C16orf96: variants seen among roughly 807,000 people sequenced by gnomAD.
C16orf96 encodes chromosome 16 open reading frame 96.
A neutral mutation model predicts 103.6 loss-of-function variants in C16orf96; 108 were observed. That is an observed-to-expected ratio of 1.04 (90% confidence interval 0.89 to 1.22). The LOEUF (loss-of-function observed/expected upper bound fraction) is 1.22, where lower values mean the gene tolerates loss of function less well. C16orf96 is among the 50% of genes most tolerant of loss of function. The pLI, the probability that C16orf96 is intolerant of heterozygous loss-of-function variation, is 0.00. For missense variants in C16orf96, 1,586 were observed against 1,464.2 expected (o/e 1.08, Z -1.36); for synonymous variants, 566 against 593.5 (o/e 0.95, Z 0.67).
chr16:4,551,491 G>A (rs1048313565), upstream of C16orf96, among the ~76,000 whole-genome samples: 44 of 151,988 alleles, frequency 2.9e-4, no homozygotes, highest in Admixed American at 3.3e-4. Flanking sequence ...TTGCTCTGTC[G>A]CCCAGGCTGG....
intron 1 of C16orf96, chr16:4,560,530 A>T (rs1299066198): frequency 6.6e-6 from 1 of 151,976 alleles, no homozygotes; most frequent in Admixed American, 6.6e-5. Context: ...CTTTAATATT[A>T]TGGGTATTTT....
At chr16:4,583,760 T>G (rs1385621808) in intron 7 of C16orf96, among the ~76,000 whole-genome samples, 1 of 150,616 alleles carries the variant, frequency 6.6e-6, no homozygotes, top group African/African-American at 2.4e-5. Context: ...GTGTCTCTAC[T>G]AAAAATACAA....
At chr16:4,561,592 C>G (rs564559023) in intron 1 of C16orf96, 1 of 152,384 alleles carries the variant, frequency 6.6e-6, no homozygotes, top group South Asian at 2.1e-4. Flanking sequence ...AAAAGGGGCT[C>G]GTGGACAGGT....
chr16:4,568,322 A>G (rs978014508), intron 1 of C16orf96, among the ~76,000 whole-genome samples: 1 of 152,126 alleles, frequency 6.6e-6, no homozygotes, highest in African/African-American at 2.4e-5. Flanking sequence ...TCTACCCTGG[A>G]GAGTATTCTA....
Position 4,575,857 on chromosome 16 carries a change from G to A in C16orf96, c.1377G>A (p.Glu459=), listed in dbSNP as rs891387562. 6 of 1,551,412 alleles carry A rather than the reference G, an allele frequency of 3.9e-6. No individual in the cohort carries two copies. Among genetic ancestry groups the A allele is most frequent in the Non-Finnish European group, 5.2e-6 (6 of 1,147,008 alleles). ...TCGCAGCTGTCCAAGTAAAGGGGGAGGAAAATGATGTCCCCAGCCTAAGGG... is the reference window on the plus strand; with the variant it reads ...TCGCAGCTGTCCAAGTAAAGGGGGAAGAAAATGATGTCCCCAGCCTAAGGG... The part of the protein sequence containing the change: ...LQLAAVQVKG[E]ENDVPSLRGL... Residue 459 remains glutamate, a synonymous_variant, in exon 5 of 16, where the codon GAG becomes GAA. Coordinates refer to ENST00000444310, the MANE Select transcript of C16orf96 (RefSeq NM_001145011.2).
At position 4,556,737 on chromosome 16, in the gene C16orf96, A is replaced by G. The variant is rs1171280667; in HGVS notation, c.248A>G (p.His83Arg). The G allele has an allele frequency of 1.3e-6, 2 of 1,551,590 alleles. No individual in the cohort carries two copies. The highest frequency in any genetic ancestry group is 1.7e-4 in the Middle Eastern group (1 of 5,992). Reference protein sequence around the residue: ...PMKRLSNVFDHVVSRLDKLEN... With the variant: ...PMKRLSNVFDRVVSRLDKLEN... ...AAGAGGCTCAGCAATGTCTTCGACC[A>G]CGTGGTGAGCCGCCTCGACAAGTTG... The change falls in exon 1 of 16, where the codon CAC becomes CGC. Residue 83 changes from histidine to arginine, a missense_variant. Physicochemically the swap from His to Arg is conservative, Grantham distance 29 (BLOSUM62 0). Transcript: ENST00000444310.
chr16:4,587,153 A>G (rs928984342), intron 8 of C16orf96, 40 bp downstream of exon 8: 110 of 1,502,462 alleles, frequency 7.3e-5, no homozygotes, highest in Non-Finnish European at 9.1e-5. Flanking sequence ...CTGCTCCCCT[A>G]CCCAGGGAAA....
At chr16:4,579,206 G>T (rs919705426) in intron 6 of C16orf96, among the ~76,000 whole-genome samples, 181 bp downstream of exon 6, 1 of 128,382 alleles carries the variant, frequency 7.8e-6, no homozygotes, top group East Asian at 1.9e-4. Context: ...TGGTGCGGTG[G>T]GGGGGCCCAG....
chr16:4,542,451 T>G, the C16orf96 span, among the ~76,000 whole-genome samples: 1 of 152,216 alleles, frequency 6.6e-6, no homozygotes, highest in African/African-American at 2.4e-5. Context: ...GAAATTAATT[T>G]TAATAATACA....
chr16:4,590,553 C>G (rs1736247756), intron 9 of C16orf96, among the ~76,000 whole-genome samples: 1 of 150,344 alleles, frequency 6.7e-6, no homozygotes, highest in Non-Finnish European at 1.5e-5. Context: ...AAGTGAAACT[C>G]TGTCTCAAAA....
intron 7 of C16orf96, among the ~76,000 whole-genome samples, chr16:4,583,566 T>C (rs554377213): frequency 6.6e-6 from 1 of 152,146 alleles, no homozygotes; most frequent in African/African-American, 2.4e-5. Flanking sequence ...TGGTTTGTAT[T>C]ACCAATAGTT....
chr16:4,567,578 C>A (rs56040608), intron 1 of C16orf96, among the ~76,000 whole-genome samples: 1 of 151,528 alleles, frequency 6.6e-6, no homozygotes, highest in South Asian at 2.1e-4. Context: ...CCACCGCGCC[C>A]GGCCTTCTTT....
chr16:4,599,948 C>T (rs930508847), intron 15 of C16orf96, among the ~76,000 whole-genome samples, 152 bp from the exon 16 acceptor site: 24 of 152,230 alleles, frequency 1.6e-4, no homozygotes, highest in African/African-American at 5.3e-4. Flanking sequence ...GTGCCCAGGG[C>T]CCAGGTGAGG....
chr16:4,581,982 AG>A (rs966337655), intron 7 of C16orf96, among the ~76,000 whole-genome samples: 1 of 151,858 alleles, frequency 6.6e-6, no homozygotes, highest in Admixed American at 6.6e-5. Context: ...ACAAGCAAAA[AG>A]CAAAAAACTC....
In C16orf96 at chr16:4,575,380, C is replaced by T; in HGVS notation, c.900C>T (p.Leu300=). The stretch of plus-strand genomic sequence containing the variant: ...GCTCATCTGCCCAAGCAGTTTCACT[C>T]AGCAGAGCCCAGGAGCCAGCGCAGC... The part of the protein sequence containing the change: ...PEGSSAQAVS[L]SRAQEPAQPP... Residue 300 remains leucine, a synonymous_variant, in exon 5 of 16, where the codon CTC becomes CTT. Transcript: ENST00000444310. 6.4e-7 allele frequency: 1 copy of T among 1,550,970 alleles called. No homozygotes were observed. The highest frequency in any genetic ancestry group is 1.4e-5 in the African/African-American group (1 of 73,184).
chr16:4,600,097 C>T lies in C16orf96; in HGVS notation c.3209-3C>T, dbSNP rs1050699240. The T allele has an allele frequency of 5.8e-6, 9 of 1,550,982 alleles. No homozygotes were observed. The African/African-American group carries it at 9.6e-5, about 17-fold the overall frequency. On this transcript the variant is annotated splice_polypyrimidine_tract_variant and splice_region_variant and intron_variant, in intron 15 of 15. Transcript: ENST00000444310. ...ATCTAGGGTTTCTCCTGCCCCTCCC[C>T]AGCCCTGTGCCCCCGCTCCAGTGCC...
chr16:4,596,977 G>C (rs958470073), intron 14 of C16orf96, among the ~76,000 whole-genome samples: 1 of 152,106 alleles, frequency 6.6e-6, no homozygotes. Flanking sequence ...ATTTGTGCCC[G>C]ACCTAACCCA....
Position 4,594,387 on chromosome 16 carries a change from C to A in C16orf96, c.2904C>A (p.Ile968=). 2.6e-6 allele frequency: 4 copies of A among 1,549,158 alleles called. No individual in the cohort carries two copies. Reference sequence around the variant, plus strand: ...GGCTGCAGCTCCAGGACCTCGGTATCCAGGAGGATTGTCAGCAGGACTGGG... The same window carrying A: ...GGCTGCAGCTCCAGGACCTCGGTATACAGGAGGATTGTCAGCAGGACTGGG... ...QQWLQLQDLG[I]QEDCQQDWGD... The change falls in exon 13 of 16, where the codon ATC becomes ATA. Residue 968 remains isoleucine (I), a synonymous_variant. Coordinates refer to ENST00000444310, the MANE Select transcript of C16orf96 (RefSeq NM_001145011.2).
chr16:4,576,521 A>T lies in C16orf96; in HGVS notation c.2041A>T (p.Arg681Trp). Residue 681 changes from arginine to tryptophan, a missense_variant, in exon 5 of 16, where the codon AGG becomes TGG. Transcript: ENST00000444310. ...GGCCATGAGCCCTGAAGACAAGAAG[A>T]GGGCTGTCAAGTATTCCATGAGCCA... ...KQAMSPEDKK[R>W]AVKYSMSHIA... 1 of 1,551,384 alleles carries T rather than the reference A, an allele frequency of 6.4e-7. No individual in the cohort carries two copies. Among genetic ancestry groups the T allele is most frequent in the Non-Finnish European group, 8.7e-7 (1 of 1,146,908 alleles).
Sources: allele counts gnomAD v4.1 joint callset (sites outside exome capture counted in the v4.1 genomes callset), GRCh38; gene constraint gnomAD v4.1.1; transcripts MANE v1.5; gene names NCBI Gene and HGNC (gene_info 2026-07-23, HGNC 2026-07-21).